Variants in PCBP3 observed in about 807,000 individuals in gnomAD.
The protein encoded by PCBP3 is poly(rC)-binding protein 3.
PCBP3 carries 25 observed loss-of-function variants against 52.7 expected under a neutral mutation model. The observed-to-expected ratio is 0.47, with a 90% CI of 0.35 to 0.66. PCBP3 has a LOEUF of 0.66. Among genes scored for constraint, PCBP3 ranks in the 30% least tolerant of loss-of-function variants. The pLI is 0.01. For synonymous variants in PCBP3, 162 were observed against 183.0 expected (o/e 0.89, Z 0.93); for missense variants, 391 against 490.3 (o/e 0.80, Z 1.91).
At chr21:45,708,470 C>T (rs532128496) in intron 2 of PCBP3, among the ~76,000 whole-genome samples, 1 of 152,286 alleles carries the variant, frequency 6.6e-6, no homozygotes, top group Admixed American at 6.5e-5. Context: ...CACTGTTTTG[C>T]TGCTTAAGTT....
chr21:45,817,298 G>A lies in PCBP3; in HGVS notation c.-125-32663G>A, dbSNP rs1000894971. On this transcript the variant is annotated intron_variant, in intron 4 of 17. Transcript: ENST00000681687. This position sits in a 1 kb window ranked among gnomAD's most constrained non-coding sequence, Gnocchi z 4.3. ...GAACACCCTGGATGCTGAGTGAGGG[G>A]CCTCCACTGTGGCTGTGAGCAGTCC... 6.6e-6 allele frequency among the ~76,000 whole-genome samples: 1 copy of A among 152,140 alleles called. No individual in the cohort carries two copies. The highest frequency in any genetic ancestry group is 2.4e-5 in the African/African-American group (1 of 41,420).
chr21:45,907,342 T>C (rs2096236575), intron 9 of PCBP3, among the ~76,000 whole-genome samples: 1 of 152,218 alleles, frequency 6.6e-6, no homozygotes, highest in Non-Finnish European at 1.5e-5. Context: ...ACTTCTGCGT[T>C]CGAGTGGGGT....
intron 2 of PCBP3, among the ~76,000 whole-genome samples, chr21:45,701,696 G>C (rs2083137183): frequency 1.3e-5 from 2 of 152,146 alleles, no homozygotes; most frequent in African/African-American, 4.8e-5. Context: ...AATTAGCTGG[G>C]ATTACGGGTG....
intron 3 of PCBP3, among the ~76,000 whole-genome samples, chr21:45,753,711 G>A (rs1350689930): frequency 6.6e-6 from 1 of 151,476 alleles, no homozygotes; most frequent in African/African-American, 2.4e-5. Flanking sequence ...TCTTATTTTT[G>A]TGTTTGTCTT....
At chr21:45,806,649 T>C (rs1259220436) in intron 4 of PCBP3, among the ~76,000 whole-genome samples, 1 of 151,902 alleles carries the variant, frequency 6.6e-6, no homozygotes, top group Non-Finnish European at 1.5e-5. Context: ...AGGAGCTGAG[T>C]CATGGGGACC....
intron 1 of PCBP3, among the ~76,000 whole-genome samples, chr21:45,648,427 A>T (rs1214552835): frequency 6.6e-6 from 1 of 152,162 alleles, no homozygotes; most frequent in African/African-American, 2.4e-5. Flanking sequence ...ATATTGTCTT[A>T]TTTGGCCCAA....
At chr21:45,702,954 C>T (rs1178738037) in intron 2 of PCBP3, among the ~76,000 whole-genome samples, 1 of 152,090 alleles carries the variant, frequency 6.6e-6, no homozygotes, top group Non-Finnish European at 1.5e-5. Flanking sequence ...TTCACAGCAT[C>T]TTCACTACTA....
chr21:45,697,710 A>G (rs1195684316), intron 2 of PCBP3, among the ~76,000 whole-genome samples: 1 of 150,670 alleles, frequency 6.6e-6, no homozygotes, highest in Non-Finnish European at 1.5e-5. Flanking sequence ...ATGACACTGC[A>G]CTCCACTGCA....
At chr21:45,716,357 C>T (rs562581255) in intron 2 of PCBP3, among the ~76,000 whole-genome samples, 1 of 152,234 alleles carries the variant, frequency 6.6e-6, no homozygotes, top group East Asian at 1.9e-4. Context: ...CATCATTATA[C>T]CCTGAATTAG....
chr21:45,938,667 G>A (rs547494740), intron 16 of PCBP3, among the ~76,000 whole-genome samples: 2 of 152,318 alleles, frequency 1.3e-5, no homozygotes, highest in South Asian at 2.1e-4. Context: ...TCTGAGAGGT[G>A]TGGGGGAGCC....
chr21:45,663,492 G>A (rs538620092), intron 1 of PCBP3, among the ~76,000 whole-genome samples: 37 of 151,870 alleles, frequency 2.4e-4, no homozygotes, highest in Non-Finnish European at 3.7e-4. Flanking sequence ...TCTTTCCTAG[G>A]TTTTCTGGAA....
At chr21:45,897,006 C>T (rs1016704809) in intron 6 of PCBP3, among the ~76,000 whole-genome samples, 3 of 150,782 alleles carry the variant, frequency 2.0e-5, no homozygotes, top group African/African-American at 7.4e-5. Context: ...CACATAGAAC[C>T]GGAGATGCAC....
chr21:45,651,034 A>G (rs1465708237), intron 1 of PCBP3, among the ~76,000 whole-genome samples: 2 of 152,206 alleles, frequency 1.3e-5, no homozygotes, highest in African/African-American at 2.4e-5. Context: ...CTTCCCGTCA[A>G]GGCTTCAGGT....
intron 2 of PCBP3, among the ~76,000 whole-genome samples, chr21:45,722,413 A>AT (rs1369096518): frequency 6.6e-6 from 1 of 152,222 alleles, no homozygotes; most frequent in Admixed American, 6.5e-5. Context: ...TCCTAAATGA[A>AT]TGTATATCAC....
At chr21:45,759,792 C>T (rs568975196) in intron 4 of PCBP3, 1 of 152,312 alleles carries the variant, frequency 6.6e-6, no homozygotes, top group South Asian at 2.1e-4. Flanking sequence ...AAAACTCTAA[C>T]AAATACCAGC....
At chr21:45,648,360 G>C (rs755591715) in intron 1 of PCBP3, among the ~76,000 whole-genome samples, 6 of 152,148 alleles carry the variant, frequency 3.9e-5, no homozygotes, top group Non-Finnish European at 8.8e-5. Context: ...GTATAATTCA[G>C]CCCAGATAAG....
chr21:45,884,842 C>G (rs1391300014), intron 5 of PCBP3, among the ~76,000 whole-genome samples: 1 of 152,194 alleles, frequency 6.6e-6, no homozygotes, highest in African/African-American at 2.4e-5. Context: ...CTGTAACTTC[C>G]TTTATAATTT....
chr21:45,850,153 A>G, intron 5 of PCBP3, 58 bp downstream of exon 5: 1 of 1,377,948 alleles, frequency 7.3e-7, no homozygotes, highest in Non-Finnish European at 1.0e-6. Flanking sequence ...TATATAACAA[A>G]GTCAGACTTA....
intron 4 of PCBP3, among the ~76,000 whole-genome samples, chr21:45,838,753 T>C (rs1291542748): frequency 6.6e-6 from 1 of 152,216 alleles, no homozygotes; most frequent in African/African-American, 2.4e-5. Context: ...CTTTGCACTT[T>C]TTTCTGTCTG....
Sources: gnomAD v4.1 joint callset for allele counts (sites outside exome capture counted in the v4.1 genomes callset) on GRCh38, gnomAD v4.1.1 for gene constraint, Gnocchi (gnomAD v3.1) non-coding constraint, MANE v1.5 for transcripts, NCBI Gene and HGNC (gene_info 2026-07-23, HGNC 2026-07-21) for gene names.